The following GNB5 variants were observed in gnomAD, a reference collection of about 807,000 sequenced individuals.
The protein encoded by GNB5 is G protein subunit beta 5, also known as guanine nucleotide-binding protein subunit beta-5.
In GNB5, 37 loss-of-function variants were observed where a neutral mutation model predicts 55.3. The observed-to-expected ratio is 0.67, with a 90% CI of 0.51 to 0.88. The LOEUF (loss-of-function observed/expected upper bound fraction) is 0.88, where lower values mean the gene tolerates loss of function less well. Ranked by LOEUF, GNB5 falls within the 40% of genes least tolerant of loss-of-function variation. The pLI is 0.00. For synonymous variants in GNB5, 219 were observed against 198.5 expected, an observed-to-expected ratio of 1.10 and a Z score of -0.87; for missense variants, 476 against 515.3, an observed-to-expected ratio of 0.92 and a Z score of 0.74.
intron 9 of GNB5, among the ~76,000 whole-genome samples, chr15:52,133,000 C>T (rs2033617674): frequency 6.6e-6 from 1 of 152,110 alleles, no homozygotes; most frequent in South Asian, 2.1e-4. Flanking sequence ...TTATCAGTAT[C>T]TGAAATTGTA....
At chr15:52,122,832 T>A in intron 12 of GNB5, 64 bp from the exon 13 acceptor site, 2 of 1,257,690 alleles carry the variant, frequency 1.6e-6, no homozygotes, top group Non-Finnish European at 2.3e-6. Context: ...AACTTGAGCT[T>A]AAAGAGATAA....
intron 10 of GNB5, among the ~76,000 whole-genome samples, chr15:52,127,816 A>C (rs78853929): frequency 2.3e-5 from 1 of 42,614 alleles, no homozygotes; most frequent in South Asian, 7.0e-4. Flanking sequence ...TTTTAACAGA[A>C]AAAAAAAAAA....
chr15:52,137,169 C>G (rs1206927291), intron 7 of GNB5: 9 of 989,218 alleles, frequency 9.1e-6, no homozygotes, highest in Non-Finnish European at 1.2e-5. Context: ...GAGGTTCTCC[C>G]TTACTGTGGC....
chr15:52,134,762 C>T (rs924518918), intron 8 of GNB5, among the ~76,000 whole-genome samples: 1 of 152,080 alleles, frequency 6.6e-6, no homozygotes, highest in African/African-American at 2.4e-5. Context: ...ACAGTGTGTG[C>T]GTCACTGTCC....
chr15:52,164,487 G>A (rs569966281), intron 3 of GNB5, among the ~76,000 whole-genome samples: 93 of 151,802 alleles, frequency 6.1e-4, no homozygotes, highest in Non-Finnish European at 8.8e-4. Flanking sequence ...TTAGCTGTGC[G>A]TGGTGGCAGA....
rs1349662922 is a variant in GNB5 at position 52,122,217 on chromosome 15, T to C, written c.*540A>G. Reference sequence around the variant, plus strand: ...CAATAGAACAGGAAGCTGAAAAAGATACTTTTACAATAAAAACACATTCTA... The same window carrying C: ...CAATAGAACAGGAAGCTGAAAAAGACACTTTTACAATAAAAACACATTCTA... On this transcript the variant is annotated 3_prime_UTR_variant, in exon 13 of 13. Coordinates refer to ENST00000261837, the MANE Select transcript of GNB5 (RefSeq NM_016194.4). The C allele has an allele frequency of 1.3e-5, 2 of 152,400 alleles. No homozygotes were observed. Among genetic ancestry groups the C allele is most frequent in the Non-Finnish European group, 2.9e-5 (2 of 68,134 alleles). The allele number at this position is 152,400 out of a possible 1,614,324, so 9.4% of individuals were successfully genotyped here. A position where few individuals can be genotyped will look rare whatever the true frequency, so the allele number is the denominator to read the frequency against.
At chr15:52,128,042 T>C (rs533898799) in intron 10 of GNB5, among the ~76,000 whole-genome samples, 154 bp downstream of exon 10, 27 of 152,362 alleles carry the variant, frequency 1.8e-4, no homozygotes, top group African/African-American at 6.5e-4. Context: ...ATGATTTTTC[T>C]TGGGTAAGGA....
In GNB5 at chr15:52,119,995, C is replaced by A. The variant is rs1329804438; in HGVS notation, c.*2762G>T. On this transcript the variant is annotated 3_prime_UTR_variant, in exon 13 of 13. Coordinates refer to ENST00000261837, the MANE Select transcript of GNB5 (RefSeq NM_016194.4). The stretch of plus-strand genomic sequence containing the variant: ...TCTGGCTCGCCTGGGAGAAGAGGGA[C>A]GGCTGCCAGGGCCCCACCGGTGAGA... 2 of 152,298 alleles carry A rather than the reference C, an allele frequency of 1.3e-5. No homozygotes were observed. The highest frequency in any genetic ancestry group is 4.8e-5 in the African/African-American group (2 of 41,416). 9.4% of individuals were successfully genotyped at this position (152,298 alleles called of 1,614,324 possible).
intron 3 of GNB5, among the ~76,000 whole-genome samples, chr15:52,160,800 C>T (rs969305647): frequency 6.6e-6 from 1 of 152,066 alleles, no homozygotes; most frequent in Non-Finnish European, 1.5e-5. Flanking sequence ...TGAGCTGCCA[C>T]ACCCAGCCTA....
In GNB5 at chr15:52,118,311, C is replaced by T. The variant is rs975276826; in HGVS notation, c.*4446G>A. On this transcript the variant is annotated 3_prime_UTR_variant, in exon 13 of 13. Transcript: ENST00000261837. ...AGGGCCCCCGAGGGTCCCTGAGACC[C>T]TTTCAGGGGGTCCTCACGGTCAAAA... 4 of 152,116 alleles carry T rather than the reference C, an allele frequency of 2.6e-5. No individual in the cohort carries two copies. The highest frequency in any genetic ancestry group is 7.2e-5 in the African/African-American group (3 of 41,432). 9.4% of individuals were successfully genotyped at this position (152,116 alleles called of 1,614,324 possible).
intron 1 of GNB5, among the ~76,000 whole-genome samples, chr15:52,190,179 G>A (rs1468648672): frequency 5.4e-5 from 8 of 148,868 alleles, no homozygotes; most frequent in Non-Finnish European, 8.9e-5. Flanking sequence ...GTGCAGTGGC[G>A]CAATCTCGGC....
chr15:52,150,832 T>C (rs2141211819), intron 4 of GNB5, among the ~76,000 whole-genome samples: 1 of 152,286 alleles, frequency 6.6e-6, no homozygotes. Context: ...GGGCAGGCAG[T>C]GGAAGAGGAT....
chr15:52,135,880 C>CAA (rs1471480373), intron 7 of GNB5, 124 bp from the exon 8 acceptor site: 1 of 728,594 alleles, frequency 1.4e-6, no homozygotes, highest in Non-Finnish European at 2.3e-6. Flanking sequence ...CACACACACA[C>CAA]ACACACACAC....
At chr15:52,148,163 C>G (rs1596075968) in intron 5 of GNB5, among the ~76,000 whole-genome samples, 1 of 152,114 alleles carries the variant, frequency 6.6e-6, no homozygotes, top group Middle Eastern at 3.4e-3. Flanking sequence ...ATGCCCAAAT[C>G]TCCTTTCAGA....
At chr15:52,144,186 A>G (rs2033920374) in intron 6 of GNB5, 1 of 152,258 alleles carries the variant, frequency 6.6e-6, no homozygotes, top group African/African-American at 2.4e-5. Flanking sequence ...CCCCCATGGG[A>G]ATTCTTCCGC....
At chr15:52,160,974 A>G (rs567498004) in intron 3 of GNB5, among the ~76,000 whole-genome samples, 2 of 152,208 alleles carry the variant, frequency 1.3e-5, no homozygotes, top group Non-Finnish European at 2.9e-5. Context: ...TCAAAGGGAA[A>G]GCATATTTTT....
intron 6 of GNB5, among the ~76,000 whole-genome samples, chr15:52,146,738 T>C (rs1341434457): frequency 8.4e-5 from 1 of 11,908 alleles, no homozygotes; most frequent in Non-Finnish European, 9.3e-4. Context: ...CTAATTAGAT[T>C]TTTTTTTTTT....
intron 7 of GNB5, chr15:52,137,742 G>A: frequency 1.7e-6 from 2 of 1,191,644 alleles, no homozygotes; most frequent in Non-Finnish European, 2.1e-6. Context: ...AGGGTTCGGG[G>A]CCCTCATAGG....
chr15:52,180,135 C>T (rs1158424220), intron 2 of GNB5: 14 of 296,780 alleles, frequency 4.7e-5, no homozygotes, highest in Admixed American at 2.7e-4. Flanking sequence ...GAGTGTGACG[C>T]CCATTTTACC....
Sources: gnomAD v4.1 joint callset for allele counts (sites outside exome capture counted in the v4.1 genomes callset) on GRCh38, gnomAD v4.1.1 for gene constraint, MANE v1.5 for transcripts, NCBI Gene and HGNC (gene_info 2026-07-23, HGNC 2026-07-21) for gene names.